Variants in RRM2 observed in about 807,000 individuals in gnomAD.
The protein encoded by RRM2 is ribonucleoside-diphosphate reductase subunit M2.
Under a neutral mutation model 45.9 loss-of-function variants are expected in RRM2, and 6 were observed. That is an observed-to-expected ratio of 0.13 (90% confidence interval 0.07 to 0.26). The LOEUF (loss-of-function observed/expected upper bound fraction) is 0.26. RRM2 is among the 10% of genes least tolerant of loss of function. RRM2 has a pLI of 1.00. For synonymous variants in RRM2, 177 were observed against 173.0 expected, an observed-to-expected ratio of 1.02 and a Z score of -0.18; for missense variants, 343 against 489.5, an observed-to-expected ratio of 0.70 and a Z score of 2.82.
chr2:10,150,908 G>C (rs1253082494), intron 3 of RRM2, among the ~76,000 whole-genome samples: 3 of 151,580 alleles, frequency 2.0e-5, no homozygotes, highest in African/African-American at 7.3e-5. Flanking sequence ...CCACCTCCTG[G>C]GTTCAAGCGA....
At position 10,127,149 on chromosome 2, in the gene RRM2, A is replaced by T; in HGVS notation, c.727A>T (p.Ile243Leu). The change falls in exon 7 of 10, where the codon ATA becomes TTA. Residue 243 changes from isoleucine (I) to leucine (L), a missense_variant. Physicochemically the swap from Ile to Leu is conservative, Grantham distance 5 (BLOSUM62 2). Coordinates refer to ENST00000304567, the MANE Select transcript of RRM2 (RefSeq NM_001034.4). This position sits in a 1 kb window ranked among gnomAD's most constrained non-coding sequence, Gnocchi z 4.1. ...GIFFSGSFASIFWLKKRGLMP... is the reference protein window; with the variant it reads ...GIFFSGSFASLFWLKKRGLMP... Reference sequence around the variant, plus strand: ...TTTCTTTTCCGGTTCTTTTGCGTCGATATTCTGGCTCAAGAAACGAGGACT... The same window carrying T: ...TTTCTTTTCCGGTTCTTTTGCGTCGTTATTCTGGCTCAAGAAACGAGGACT... 1 of 1,614,164 alleles carries T rather than the reference A, an allele frequency of 6.2e-7. No individual in the cohort carries two copies. Among genetic ancestry groups the T allele is most frequent in the South Asian group, 1.1e-5 (1 of 91,074 alleles).
intron 3 of RRM2, among the ~76,000 whole-genome samples, chr2:10,200,454 CA>C (rs1664531067): frequency 2.2e-5 from 3 of 134,610 alleles, no homozygotes; most frequent in African/African-American, 5.6e-5. Flanking sequence ...ATGAGGCCCA[CA>C]GGGACCGCGC....
In RRM2 at chr2:10,129,993, T is replaced by G. The variant is rs1662863316; in HGVS notation, c.*607T>G. 1 of 152,306 alleles carries G rather than the reference T, an allele frequency of 6.6e-6. No individual in the cohort carries two copies. The highest frequency in any genetic ancestry group is 2.4e-5 in the African/African-American group (1 of 41,456). The allele number at this position is 152,306 out of a possible 1,614,324, so 9.4% of individuals were successfully genotyped here. A position where few individuals can be genotyped will look rare whatever the true frequency, so the allele number is the denominator to read the frequency against. ...CTTTAAAGTCAGTCCTGTGTATACC[T>G]AGATATTAGTCAGTTGGTGCCAGAT... On this transcript the variant is annotated 3_prime_UTR_variant, in exon 10 of 10. Coordinates refer to ENST00000304567, the MANE Select transcript of RRM2 (RefSeq NM_001034.4). The surrounding 1 kb of genome is among the most constrained non-coding windows in gnomAD (Gnocchi z 4.8).
chr2:10,136,099 A>G (rs1662985534), downstream of RRM2, among the ~76,000 whole-genome samples: 1 of 152,106 alleles, frequency 6.6e-6, no homozygotes, highest in South Asian at 2.1e-4. Context: ...AAGATGTTCC[A>G]TCTTCCTGTG....
At position 10,180,357 on chromosome 2, in the gene RRM2, A is replaced by G. The variant is rs185645469; in HGVS notation, n.483-29954A>G. Among the ~76,000 whole-genome samples, 919 of 152,320 alleles carry G rather than the reference A, an allele frequency of 6.0e-3. 13 individuals are homozygous for G. The highest frequency in any genetic ancestry group is 0.021 in the African/African-American group (875 of 41,572). On this transcript the variant is annotated intron_variant and non_coding_transcript_variant, in intron 3 of 3. Transcript: ENST00000381786. ...TGTGAACTACACAGACAGGCTGGGC[A>G]TGGCCATTGTATTTCCGTCACCCTG...
chr2:10,142,021 T>C, intron 2 of RRM2: 1 of 1,581,190 alleles, frequency 6.3e-7, no homozygotes, highest in South Asian at 1.1e-5. Context: ...CTATGCCCCT[T>C]GCTCTTTCAT....
chr2:10,177,241 G>A (rs533529347), intron 3 of RRM2, among the ~76,000 whole-genome samples: 4 of 130,374 alleles, frequency 3.1e-5, no homozygotes, highest in Non-Finnish European at 5.3e-5. Context: ...GCGAGATTTC[G>A]CTTCAATAAA....
At chr2:10,188,453 C>A (rs907166774) in intron 3 of RRM2, among the ~76,000 whole-genome samples, 1 of 152,190 alleles carries the variant, frequency 6.6e-6, no homozygotes, top group Non-Finnish European at 1.5e-5. Flanking sequence ...GAGTCTCGCC[C>A]TCATCTGGTG....
At chr2:10,147,711 T>A (rs1241660966) in intron 3 of RRM2, among the ~76,000 whole-genome samples, 2 of 152,230 alleles carry the variant, frequency 1.3e-5, no homozygotes, top group Admixed American at 6.5e-5. Context: ...ATGAAAAGTG[T>A]GTATTTTCTC....
rs569044092 is a variant in RRM2 at position 10,171,597 on chromosome 2, A to T, written n.482+29222A>T. Among the ~76,000 whole-genome samples, 82 of 152,260 alleles carry T rather than the reference A, an allele frequency of 5.4e-4. No homozygotes were observed. Among genetic ancestry groups the T allele is most frequent in the African/African-American group, 1.7e-3 (71 of 41,558 alleles). ...GCCTGTGAGACAGAGCTGATGCTGA[A>T]CAAAGGAACAGGGTGATCTGGGAGC... On this transcript the variant is annotated intron_variant and non_coding_transcript_variant, in intron 3 of 3. Coordinates refer to the RRM2 transcript ENST00000381786. This position sits in a 1 kb window ranked among gnomAD's most constrained non-coding sequence, Gnocchi z 4.1.
At position 10,205,985 on chromosome 2, in the gene RRM2, G is replaced by A. The variant is rs1036954020; in HGVS notation, n.483-4326G>A. 2.6e-5 allele frequency among the ~76,000 whole-genome samples: 4 copies of A among 152,098 alleles called. No homozygotes were observed. The highest frequency in any genetic ancestry group is 6.5e-5 in the Admixed American group (1 of 15,286). ...TGGGATTACAGGCATGAGCCACTGCGCCTGGCCAAGAGGGTGTCTGGGAGG... is the reference window on the plus strand; with the variant it reads ...TGGGATTACAGGCATGAGCCACTGCACCTGGCCAAGAGGGTGTCTGGGAGG... On this transcript the variant is annotated intron_variant and non_coding_transcript_variant, in intron 3 of 3. Coordinates refer to the RRM2 transcript ENST00000381786. The surrounding 1 kb of genome is among the most constrained non-coding windows in gnomAD (Gnocchi z 4.8).
chr2:10,148,247 C>A (rs183202720), intron 3 of RRM2, among the ~76,000 whole-genome samples: 1 of 148,722 alleles, frequency 6.7e-6, no homozygotes, highest in Non-Finnish European at 1.5e-5. Context: ...TTTCTAAATT[C>A]ATGGTTTATA....
chr2:10,170,393 T>C (rs1461704412), intron 3 of RRM2, among the ~76,000 whole-genome samples: 1 of 152,032 alleles, frequency 6.6e-6, no homozygotes, highest in Non-Finnish European at 1.5e-5. Flanking sequence ...TGCCCCGTGG[T>C]GAAATCAGAC....
In RRM2 at chr2:10,122,779, T is replaced by C. The variant is rs936845893; in HGVS notation, c.-20T>C. The C allele has an allele frequency of 1.9e-6, 3 of 1,571,446 alleles. No individual in the cohort carries two copies. The highest frequency in any genetic ancestry group is 2.7e-5 in the African/African-American group (2 of 74,130). ...GCCGTCCTGTCCTGGCTGCTCGCTC[T>C]GCTTCGCTGCGCCTCCACTATGCTC... is the stretch of plus-strand genomic sequence containing the variant. On this transcript the variant is annotated 5_prime_UTR_variant, in exon 1 of 10. Transcript: ENST00000304567.
Position 10,123,023 on chromosome 2 carries a change from C to G in RRM2, c.140C>G (p.Thr47Ser). Residue 47 changes from threonine to serine, a missense_variant, in exon 2 of 10, where the codon ACC becomes AGC. Physicochemically the swap from Thr to Ser is moderately conservative, Grantham distance 58. Transcript: ENST00000304567. ...GGGACCCGCGTCCTGGCCAGCAAGA[C>G]CGCGAGGAGGATCTTCCAGGAGCCC... ...LSGTRVLASK[T>S]ARRIFQEPTE... 1 of 1,567,140 alleles carries G rather than the reference C, an allele frequency of 6.4e-7. No homozygotes were observed. Among genetic ancestry groups the G allele is most frequent in the Non-Finnish European group, 8.6e-7 (1 of 1,163,502 alleles).
At chr2:10,137,773 AGCCTCT>A (rs1220112293), upstream of RRM2, among the ~76,000 whole-genome samples, 1 of 152,144 alleles carries the variant, frequency 6.6e-6, no homozygotes, top group African/African-American at 2.4e-5. Flanking sequence ...GTCTTCCCTG[AGCCTCT>A]GAGTCTTCCC....
chr2:10,147,422 G>A (rs1033604366), intron 3 of RRM2, among the ~76,000 whole-genome samples: 2 of 152,016 alleles, frequency 1.3e-5, no homozygotes, highest in Non-Finnish European at 2.9e-5. Context: ...GGGACTACAG[G>A]CATGCACTAC....
At chr2:10,193,908 G>A (rs1664360889) in intron 3 of RRM2, among the ~76,000 whole-genome samples, 1 of 152,214 alleles carries the variant, frequency 6.6e-6, no homozygotes, top group Admixed American at 6.5e-5. Flanking sequence ...GGCACAGGGA[G>A]GTCCCTAGAC....
chr2:10,141,789 G>T, intron 1 of RRM2: 1 of 1,546,074 alleles, frequency 6.5e-7, no homozygotes, highest in Non-Finnish European at 8.7e-7. Context: ...TGGGGCTGGG[G>T]CTGGGGCTGG....
Sources: gnomAD v4.1 joint callset for allele counts (sites outside exome capture counted in the v4.1 genomes callset) on GRCh38, gnomAD v4.1.1 for gene constraint, Gnocchi (gnomAD v3.1) non-coding constraint, MANE v1.5 for transcripts, NCBI Gene and HGNC (gene_info 2026-07-23, HGNC 2026-07-21) for gene names.